Variants in CASZ1 observed in about 807,000 individuals in gnomAD.
The protein encoded by CASZ1 is castor zinc finger 1.
CASZ1 carries 28 observed loss-of-function variants against 135.2 expected under a neutral mutation model. The ratio of observed to expected loss-of-function variants is 0.21; its 90% confidence interval spans 0.15 to 0.28. The LOEUF is 0.28. Among genes scored for constraint, CASZ1 ranks in the 10% least tolerant of loss-of-function variants. CASZ1 has a pLI of 1.00. For synonymous variants in CASZ1, 1,068 were observed against 1,073.4 expected, an observed-to-expected ratio of 0.99 and a Z score of 0.10; for missense variants, 2,161 against 2,453.3, an observed-to-expected ratio of 0.88 and a Z score of 2.52.
chr1:10,642,764 G>A (rs939348826), intron 20 of CASZ1, 95 bp downstream of exon 20: 10 of 1,408,808 alleles, frequency 7.1e-6, no homozygotes, highest in East Asian at 2.4e-5. Flanking sequence ...CTCGGAGGCC[G>A]CGTGCCCCGG....
In CASZ1 at chr1:10,731,425, A is replaced by T. The variant is rs1478576276; in HGVS notation, c.-76-25881T>A. 2.0e-5 allele frequency among the ~76,000 whole-genome samples: 3 copies of T among 151,998 alleles called. No homozygotes were observed. The East Asian group carries it at 5.8e-4, about 29-fold the overall frequency. ...CAGTGAGACCTTATCTCTACTAAAA[A>T]TAAAAAAAAAGTAGCCAGGCATTGT... On this transcript the variant is annotated intron_variant, in intron 2 of 20. Transcript: ENST00000377022.
At position 10,747,474 on chromosome 1, in the gene CASZ1, G is replaced by A. The variant is rs550095187; in HGVS notation, c.-77+13227C>T. ...TGAAAGGCGTTCCACCCAGATGTCA[G>A]GGAAGAACCCTGGAGTAGAACACAT... On this transcript the variant is annotated intron_variant, in intron 2 of 20. Coordinates refer to ENST00000377022, the MANE Select transcript of CASZ1 (RefSeq NM_001079843.3). The surrounding 1 kb of genome is among the most constrained non-coding windows in gnomAD (Gnocchi z 4.3). Among the ~76,000 whole-genome samples, 90 of 152,322 alleles carry A rather than the reference G, an allele frequency of 5.9e-4. No homozygotes were observed. The highest frequency in any genetic ancestry group is 6.8e-3 in the Middle Eastern group (2 of 294).
chr1:10,652,404 C>T (rs1242058446), intron 11 of CASZ1: 1 of 152,294 alleles, frequency 6.6e-6, no homozygotes, highest in Non-Finnish European at 1.5e-5. Context: ...GTGTCCCCAG[C>T]ACCCGGCTTG....
At chr1:10,780,570 A>G (rs1640744493) in intron 1 of CASZ1, among the ~76,000 whole-genome samples, 1 of 152,240 alleles carries the variant, frequency 6.6e-6, no homozygotes, top group Non-Finnish European at 1.5e-5. Context: ...TGTTTAATAA[A>G]TATATACAGT....
In CASZ1 at chr1:10,639,717, T is replaced by C. The variant is rs1193969549; in HGVS notation, c.4505A>G (p.His1502Arg). The C allele has an allele frequency of 6.3e-7, 1 of 1,593,402 alleles. No individual in the cohort carries two copies. The change falls in exon 21 of 21, where the codon CAC (histidine) becomes CGC (arginine). Residue 1502 changes from histidine (H) to arginine (R), a missense_variant. This residue lies in a region of CASZ1 where 240 missense variants were observed against 321.4 expected (regional missense o/e 0.75). Transcript: ENST00000377022. The surrounding 1 kb of genome is among the most constrained non-coding windows in gnomAD (Gnocchi z 4.0). ...GCCCGAGAAGGGGCAGTCGGCGAAG[T>C]GGCAGCTGAGTGAGGCCTTGAAGCG... ...FKRFKASLSC[H>R]FADCPFSGTS...
chr1:10,654,295 A>G, intron 10 of CASZ1, 77 bp from the exon 11 acceptor site: 1 of 1,582,520 alleles, frequency 6.3e-7, no homozygotes. Flanking sequence ...TGGGAGGGAC[A>G]GTCCCCCGGG....
At chr1:10,746,268 A>G (rs1458758647) in intron 2 of CASZ1, among the ~76,000 whole-genome samples, 2 of 152,166 alleles carry the variant, frequency 1.3e-5, no homozygotes, top group Admixed American at 1.3e-4. Context: ...ACGTGCGCGC[A>G]CACACACGCA....
intron 5 of CASZ1, among the ~76,000 whole-genome samples, chr1:10,662,297 CACAT>C (rs1443570383): frequency 6.8e-6 from 1 of 147,674 alleles, no homozygotes; most frequent in Non-Finnish European, 1.5e-5. Context: ...ATACAACACA[CACAT>C]ACATTGACAC....
At position 10,637,182 on chromosome 1, in the gene CASZ1, T is replaced by C. The variant is rs537545466; in HGVS notation, c.*1760A>G. On this transcript the variant is annotated 3_prime_UTR_variant, in exon 21 of 21. Transcript: ENST00000377022. ...AAATGTTTGTGTGTGTGTGTTTTTTTTTCCTTTACAAAACTCCTTCCACAG... is the reference window on the plus strand; with the variant it reads ...AAATGTTTGTGTGTGTGTGTTTTTTCTTCCTTTACAAAACTCCTTCCACAG... 2 of 152,564 alleles carry C rather than the reference T, an allele frequency of 1.3e-5. No homozygotes were observed. The highest frequency in any genetic ancestry group is 3.9e-4 in the East Asian group (2 of 5,184). 9.5% of individuals were successfully genotyped at this position (152,564 alleles called of 1,614,324 possible).
In CASZ1 at chr1:10,639,733, C is replaced by T; in HGVS notation, c.4489G>A (p.Ala1497Thr). The stretch of plus-strand genomic sequence containing the variant: ...TCGGCGAAGTGGCAGCTGAGTGAGG[C>T]CTTGAAGCGCTTGAAGTCGTCCAGC... Reference protein sequence around the residue: ...LVLDDFKRFKASLSCHFADCP... With the variant: ...LVLDDFKRFKTSLSCHFADCP... Residue 1497 changes from alanine to threonine, a missense_variant, in exon 21 of 21, where the codon GCC (alanine) becomes ACC (threonine). Physicochemically the swap from Ala to Thr is moderately conservative, Grantham distance 58. Transcript: ENST00000377022. The surrounding 1 kb of genome is among the most constrained non-coding windows in gnomAD (Gnocchi z 4.0). 4 of 1,593,024 alleles carry T rather than the reference C, an allele frequency of 2.5e-6. No individual in the cohort carries two copies. Among genetic ancestry groups the T allele is most frequent in the Non-Finnish European group, 3.4e-6 (4 of 1,170,722 alleles).
intron 20 of CASZ1, among the ~76,000 whole-genome samples, chr1:10,641,417 G>A (rs774337312): frequency 6.6e-6 from 1 of 152,216 alleles, no homozygotes; most frequent in Admixed American, 6.5e-5. Context: ...GTCCGAGCCC[G>A]GGTGGTGTCT....
At chr1:10,752,602 G>A (rs550231853) in intron 2 of CASZ1, among the ~76,000 whole-genome samples, 3 of 152,184 alleles carry the variant, frequency 2.0e-5, no homozygotes, top group Non-Finnish European at 4.4e-5. Flanking sequence ...AAGTCCCCAG[G>A]CAGCTCCCCA....
intron 2 of CASZ1, among the ~76,000 whole-genome samples, chr1:10,714,644 A>G (rs558787444): frequency 1.3e-5 from 2 of 152,190 alleles, no homozygotes; most frequent in Non-Finnish European, 2.9e-5. Context: ...CAGGATGTCA[A>G]TTCTAATCTC....
chr1:10,760,720 AG>A lies in CASZ1; in HGVS notation c.-97del, dbSNP rs1223429838. 6.6e-6 allele frequency: 1 copy of A among 152,268 alleles called. No homozygotes were observed. The highest frequency in any genetic ancestry group is 1.5e-5 in the Non-Finnish European group (1 of 68,064). 9.4% of individuals were successfully genotyped at this position (152,268 alleles called of 1,614,324 possible). The stretch of plus-strand genomic sequence containing the variant: ...ATCTACCTTTGCATCCCAAGAGGCC[AG>A]GGTCCGAAGTCCATTCCAACACGTG... On this transcript the variant is annotated 5_prime_UTR_variant, in exon 2 of 21. The change creates a premature stop within an existing upstream ORF in the 5' untranslated region. Coordinates refer to ENST00000377022, the MANE Select transcript of CASZ1 (RefSeq NM_001079843.3).
At position 10,653,459 on chromosome 1, in the gene CASZ1, G is replaced by A; in HGVS notation, c.2598C>T (p.Ile866=). 6.2e-7 allele frequency: 1 copy of A among 1,613,340 alleles called. No individual in the cohort carries two copies. Among genetic ancestry groups the A allele is most frequent in the South Asian group, 1.1e-5 (1 of 91,088 alleles). ...GCGAGATGAGGCCCTTGCTTGCAGA[G>A]ATCCTCTCCATGATGGAGGCGGGTG... is the stretch of plus-strand genomic sequence containing the variant. The part of the protein sequence containing the change: ...PAPPASIMER[I]SASKGLISPM... The change falls in exon 11 of 21, where the codon ATC becomes ATT. Residue 866 remains isoleucine (I), a synonymous_variant. Transcript: ENST00000377022.
Position 10,739,229 on chromosome 1 carries a change from C to T in CASZ1, c.-77+21472G>A, listed in dbSNP as rs1442311812. On this transcript the variant is annotated intron_variant, in intron 2 of 20. Coordinates refer to ENST00000377022, the MANE Select transcript of CASZ1 (RefSeq NM_001079843.3). The surrounding 1 kb of genome is among the most constrained non-coding windows in gnomAD (Gnocchi z 4.8). ...CAGCGTGCGGTGCAACCTGCAGCTG[C>T]GGGACGGGTGCATTCACGAGGGGGG... 2.6e-5 allele frequency among the ~76,000 whole-genome samples: 4 copies of T among 152,242 alleles called. No individual in the cohort carries two copies. Among genetic ancestry groups the T allele is most frequent in the South Asian group, 2.1e-4 (1 of 4,828 alleles).
chr1:10,761,028 C>T (rs1026847232), intron 1 of CASZ1, among the ~76,000 whole-genome samples, 171 bp from the exon 2 acceptor site: 9 of 152,262 alleles, frequency 5.9e-5, no homozygotes, highest in Non-Finnish European at 1.2e-4. Context: ...GGCATTGCCA[C>T]GGCGCATACC....
chr1:10,643,898 T>C (rs1000970174), intron 18 of CASZ1, among the ~76,000 whole-genome samples: 2 of 152,146 alleles, frequency 1.3e-5, no homozygotes, highest in African/African-American at 4.8e-5. Flanking sequence ...GAGTAAATAA[T>C]AGCAACTGCA....
Position 10,639,733 on chromosome 1 carries a change from C to G in CASZ1, c.4489G>C (p.Ala1497Pro). ...TCGGCGAAGTGGCAGCTGAGTGAGG[C>G]CTTGAAGCGCTTGAAGTCGTCCAGC... ...LVLDDFKRFK[A>P]SLSCHFADCP... Residue 1497 changes from alanine to proline, a missense_variant, in exon 21 of 21, where the codon GCC becomes CCC. Ala to Pro is a conservative substitution (Grantham distance 27, BLOSUM62 -1). This residue lies in a region of CASZ1 where 240 missense variants were observed against 321.4 expected (regional missense o/e 0.75). Coordinates refer to ENST00000377022, the MANE Select transcript of CASZ1 (RefSeq NM_001079843.3). The surrounding 1 kb of genome is among the most constrained non-coding windows in gnomAD (Gnocchi z 4.0). 1 of 1,593,024 alleles carries G rather than the reference C, an allele frequency of 6.3e-7. No homozygotes were observed. Among genetic ancestry groups the G allele is most frequent in the Non-Finnish European group, 8.5e-7 (1 of 1,170,722 alleles).
Sources: gnomAD v4.1 joint callset for allele counts (sites outside exome capture counted in the v4.1 genomes callset) on GRCh38, gnomAD v4.1.1 for gene constraint, gnomAD v4.1.1 regional missense constraint, Gnocchi (gnomAD v3.1) non-coding constraint, MANE v1.5 for transcripts, NCBI Gene and HGNC (gene_info 2026-07-23, HGNC 2026-07-21) for gene names.